BIRC6: variants seen among roughly 807,000 people sequenced by gnomAD.
The protein encoded by BIRC6 is dual E2 ubiquitin-conjugating enzyme/E3 ubiquitin-protein ligase BIRC6.
In BIRC6, 98 loss-of-function variants were observed where a neutral mutation model predicts 503.3. The ratio of observed to expected loss-of-function variants is 0.19; its 90% CI spans 0.17 to 0.23. BIRC6 has a LOEUF of 0.23. BIRC6 is among the 10% of genes least tolerant of loss of function. BIRC6 has a pLI of 1.00. For synonymous variants in BIRC6, 2,240 were observed against 2,078.7 expected (o/e 1.08, Z -2.11); for missense variants, 5,360 against 5,806.0 (o/e 0.92, Z 2.50).
chr2:32,382,966 C>T (rs2037899265), intron 3 of BIRC6, among the ~76,000 whole-genome samples: 1 of 152,108 alleles, frequency 6.6e-6, no homozygotes, highest in East Asian at 1.9e-4. Context: ...TCATGATCCA[C>T]CCACCTTGGC....
At chr2:32,445,875 G>A (rs1392217602) in intron 21 of BIRC6, among the ~76,000 whole-genome samples, 2 of 146,120 alleles carry the variant, frequency 1.4e-5, no homozygotes, top group South Asian at 2.1e-4. Flanking sequence ...TTTTTTTATC[G>A]AGATGGAGTT....
intron 8 of BIRC6, among the ~76,000 whole-genome samples, chr2:32,405,483 G>A (rs6721079): frequency 0.029 from 4,432 of 152,206 alleles, 123 homozygotes; most frequent in African/African-American, 0.079. Flanking sequence ...AGCATTTTCA[G>A]TGCGGAATAC....
intron 32 of BIRC6, among the ~76,000 whole-genome samples, chr2:32,472,682 T>C (rs902806935): frequency 1.3e-5 from 2 of 152,224 alleles, no homozygotes; most frequent in Non-Finnish European, 2.9e-5. Context: ...AGTTATGCGT[T>C]CTGAACTATT....
At chr2:32,477,619 C>T in intron 35 of BIRC6, 36 bp downstream of exon 35, 3 of 1,552,332 alleles carry the variant, frequency 1.9e-6, no homozygotes, top group Non-Finnish European at 2.6e-6. Context: ...ACAGGGTTGG[C>T]CGGGCGCAGT....
intron 65 of BIRC6, among the ~76,000 whole-genome samples, chr2:32,554,215 A>G (rs1194422481): frequency 6.6e-6 from 1 of 152,232 alleles, no homozygotes; most frequent in Non-Finnish European, 1.5e-5. Context: ...CCATTAACTT[A>G]GTGGGGTATG....
At chr2:32,466,219 G>A (rs988652239) in intron 26 of BIRC6, among the ~76,000 whole-genome samples, 1 of 152,106 alleles carries the variant, frequency 6.6e-6, no homozygotes, top group Non-Finnish European at 1.5e-5. Flanking sequence ...ATAAAATGTA[G>A]CTGGTAAGAT....
chr2:32,359,349 T>G (rs1009011462), intron 1 of BIRC6, among the ~76,000 whole-genome samples: 3 of 152,240 alleles, frequency 2.0e-5, no homozygotes, highest in African/African-American at 7.2e-5. Context: ...TGTTTGAGAA[T>G]AATAATGTGT....
At chr2:32,487,328 CTT>C (rs2149281732) in intron 40 of BIRC6, among the ~76,000 whole-genome samples, 1 of 152,206 alleles carries the variant, frequency 6.6e-6, no homozygotes, top group African/African-American at 2.4e-5. Context: ...AGTCAGGAGT[CTT>C]ATTTCTTTCC....
Position 32,603,064 on chromosome 2 carries a change from A to C in BIRC6, c.14051A>C (p.Gln4684Pro). The change falls in exon 71 of 74, where the codon CAG becomes CCG. Residue 4684 changes from glutamine (Q) to proline (P), a missense_variant. By Grantham distance (76) the Gln-to-Pro change is moderately conservative. Coordinates refer to ENST00000421745, the MANE Select transcript of BIRC6 (RefSeq NM_016252.4). Reference sequence around the variant, plus strand: ...AGACCAGAAGAGAAGTGGAATCCTCAGACCTCAAGCTTTTTGCAAGTAAAC... The same window carrying C: ...AGACCAGAAGAGAAGTGGAATCCTCCGACCTCAAGCTTTTTGCAAGTAAAC... ...HGRPEEKWNP[Q>P]TSSFLQVLVS... The C allele has an allele frequency of 6.2e-7, 1 of 1,611,838 alleles. No homozygotes were observed. Among genetic ancestry groups the C allele is most frequent in the Non-Finnish European group, 8.5e-7 (1 of 1,179,148 alleles).
At chr2:32,529,874 C>T in intron 60 of BIRC6, 50 bp downstream of exon 60, 1 of 1,228,162 alleles carries the variant, frequency 8.1e-7, no homozygotes, top group Non-Finnish European at 1.1e-6. Flanking sequence ...TACAAAGAGG[C>T]AGAGATTTCT....
rs1038982394 is a variant in BIRC6, at chr2:32,415,622, T to C, written c.2331T>C (p.Cys777=). 1 of 1,613,862 alleles carries C rather than the reference T, an allele frequency of 6.2e-7. No homozygotes were observed. Among genetic ancestry groups the C allele is most frequent in the Non-Finnish European group, 8.5e-7 (1 of 1,179,894 alleles). ...NNLNKLNSAL[C]NRRKGELESN... is the part of the protein sequence containing the mutation. ...TAAATAAATTAAACTCTGCACTATG[T>C]AATAGACGGAAAGGTGAGCTGGAAT... Residue 777 remains cysteine, a synonymous_variant, in exon 10 of 74, where the codon TGT becomes TGC. Coordinates refer to ENST00000421745, the MANE Select transcript of BIRC6 (RefSeq NM_016252.4).
At chr2:32,573,741 A>G (rs1185750367) in intron 65 of BIRC6, among the ~76,000 whole-genome samples, 1 of 152,146 alleles carries the variant, frequency 6.6e-6, no homozygotes, top group Non-Finnish European at 1.5e-5. Flanking sequence ...CATAGGCAAT[A>G]TTTTCTTTTT....
chr2:32,456,450 T>C (rs1042192471), intron 23 of BIRC6, among the ~76,000 whole-genome samples: 1 of 152,236 alleles, frequency 6.6e-6, no homozygotes, highest in African/African-American at 2.4e-5. Context: ...AGTTGTTTCA[T>C]TGTGGAGCTA....
chr2:32,440,332 A>C (rs2045269342), intron 16 of BIRC6, among the ~76,000 whole-genome samples: 1 of 152,150 alleles, frequency 6.6e-6, no homozygotes, highest in Admixed American at 6.5e-5. Flanking sequence ...GGCAACTCAC[A>C]ATCTTGTTTT....
intron 57 of BIRC6, chr2:32,519,342 AGG>A (rs1279469508): frequency 5.6e-6 from 1 of 180,160 alleles, no homozygotes. Context: ...TAAATGGAGT[AGG>A]TAGAATTGAC....
chr2:32,583,888 G>A (rs554242103), intron 66 of BIRC6, among the ~76,000 whole-genome samples: 1 of 151,968 alleles, frequency 6.6e-6, no homozygotes, highest in African/African-American at 2.4e-5. Flanking sequence ...CCGCCACCAC[G>A]CCCGGCTAAT....
chr2:32,357,493 C>T lies in BIRC6; in HGVS notation c.325+7C>T, dbSNP rs2033254614. On this transcript the variant is annotated splice_region_variant and intron_variant, in intron 1 of 73. Coordinates refer to ENST00000421745, the MANE Select transcript of BIRC6 (RefSeq NM_016252.4). This position sits in a 1 kb window ranked among gnomAD's most constrained non-coding sequence, Gnocchi z 4.9. ...CAGGCCTCCGCGCTCAGTGGTGAGT[C>T]TTCCGCACGCCGGGCGGGCGCGAAG... 2 of 1,540,484 alleles carry T rather than the reference C, an allele frequency of 1.3e-6. No homozygotes were observed. The highest frequency in any genetic ancestry group is 8.7e-7 in the Non-Finnish European group (1 of 1,143,468).
In BIRC6 at chr2:32,464,512, G is replaced by T; in HGVS notation, c.4945G>T (p.Ala1649Ser). 1 of 1,561,228 alleles carries T rather than the reference G, an allele frequency of 6.4e-7. No individual in the cohort carries two copies. Among genetic ancestry groups the T allele is most frequent in the Non-Finnish European group, 8.7e-7 (1 of 1,151,814 alleles). Residue 1649 changes from alanine to serine, a missense_variant, in exon 25 of 74, where the codon GCA (alanine) becomes TCA (serine). Physicochemically the swap from Ala to Ser is moderately conservative, Grantham distance 99 (BLOSUM62 1). Around this residue, in one of 16 missense-constraint regions of BIRC6, gnomAD observed 2,299 missense variants for 2,267.2 expected, o/e 1.01. Coordinates refer to ENST00000421745, the MANE Select transcript of BIRC6 (RefSeq NM_016252.4). The part of the protein sequence containing the change: ...QQLLKLQQQK[A>S]KLEAKLHQTT... ...GTTGCTTTTACTTCTTTTGCAGAAA[G>T]CAAAGCTGGAAGCCAAGTTACATCA...
intron 1 of BIRC6, among the ~76,000 whole-genome samples, chr2:32,358,247 C>T (rs2033490681): frequency 6.6e-6 from 1 of 152,178 alleles, no homozygotes; most frequent in South Asian, 2.1e-4. Context: ...GGGTTTGTAA[C>T]TTCAGGCTGT....
Sources: gnomAD v4.1 joint callset for allele counts (sites outside exome capture counted in the v4.1 genomes callset) on GRCh38, gnomAD v4.1.1 for gene constraint, gnomAD v4.1.1 regional missense constraint, Gnocchi (gnomAD v3.1) non-coding constraint, MANE v1.5 for transcripts, NCBI Gene and HGNC (gene_info 2026-07-23, HGNC 2026-07-21) for gene names.